PKIA: variants seen among roughly 807,000 people sequenced by gnomAD.
PKIA encodes the protein PKI-alpha.
A neutral mutation model predicts 7.6 loss-of-function variants in PKIA; 4 were observed. That is an observed-to-expected ratio of 0.52 (90% confidence interval 0.26 to 1.20). The LOEUF is 1.20. Ranked by LOEUF, PKIA falls within the 50% of genes most tolerant of loss-of-function variation. PKIA has a pLI of 0.13. For synonymous variants in PKIA, 21 were observed against 30.7 expected (o/e 0.68, Z 1.04); for missense variants, 73 against 86.2 (o/e 0.85, Z 0.61).
At chr8:78,578,281 T>C (rs1473321312) in intron 2 of PKIA, among the ~76,000 whole-genome samples, 2 of 152,052 alleles carry the variant, frequency 1.3e-5, no homozygotes, top group Non-Finnish European at 2.9e-5. Flanking sequence ...GTCTCAAGCC[T>C]ATTTTTAAAA....
intron 1 of PKIA, among the ~76,000 whole-genome samples, chr8:78,559,559 A>T (rs1807235123): frequency 6.6e-6 from 1 of 152,226 alleles, no homozygotes; most frequent in Non-Finnish European, 1.5e-5. Context: ...ATGTTTGAAC[A>T]TAACTGGTTT....
intron 3 of PKIA, 82 bp downstream of exon 3, chr8:78,598,617 C>A: frequency 2.7e-6 from 3 of 1,101,258 alleles, no homozygotes; most frequent in South Asian, 1.4e-5. Context: ...CACGAAAAGC[C>A]ATCTTTGAAA....
intron 1 of PKIA, among the ~76,000 whole-genome samples, chr8:78,553,549 A>G (rs759396924): frequency 1.0e-3 from 152 of 152,096 alleles, no homozygotes; most frequent in Middle Eastern, 3.4e-3. Flanking sequence ...TAGTAGGCCT[A>G]TTTACCAACA....
At chr8:78,575,286 T>C (rs1807646208) in intron 2 of PKIA, among the ~76,000 whole-genome samples, 1 of 151,950 alleles carries the variant, frequency 6.6e-6, no homozygotes, top group African/African-American at 2.4e-5. Flanking sequence ...TCATAAAAAG[T>C]GTAACTCTGC....
At chr8:78,531,037 G>T (rs1020091888) in intron 1 of PKIA, among the ~76,000 whole-genome samples, 2 of 151,986 alleles carry the variant, frequency 1.3e-5, no homozygotes, top group African/African-American at 4.8e-5. Flanking sequence ...CTACAAGAAA[G>T]CATTTATATT....
chr8:78,562,842 A>G (rs1807316545), intron 1 of PKIA, among the ~76,000 whole-genome samples: 1 of 152,066 alleles, frequency 6.6e-6, no homozygotes. Context: ...AAATCTTCCA[A>G]GGCTTTCAAC....
chr8:78,520,669 C>A (rs1809398332), intron 1 of PKIA, among the ~76,000 whole-genome samples: 1 of 152,098 alleles, frequency 6.6e-6, no homozygotes, highest in South Asian at 2.1e-4. Flanking sequence ...ATTAATCTTT[C>A]CAGTGCTTTT....
chr8:78,539,154 T>C (rs548862922), intron 1 of PKIA, among the ~76,000 whole-genome samples: 4 of 152,164 alleles, frequency 2.6e-5, no homozygotes, highest in Non-Finnish European at 4.4e-5. Flanking sequence ...ATCCAATTAA[T>C]GGGCAAAAGA....
intron 1 of PKIA, among the ~76,000 whole-genome samples, chr8:78,559,212 G>T (rs1396635141): frequency 6.6e-6 from 1 of 152,130 alleles, no homozygotes; most frequent in Non-Finnish European, 1.5e-5. Flanking sequence ...ATAAGCCACC[G>T]TGCCCAGCCC....
At chr8:78,588,473 T>G (rs1212857414) in intron 2 of PKIA, among the ~76,000 whole-genome samples, 2 of 151,612 alleles carry the variant, frequency 1.3e-5, no homozygotes, top group Non-Finnish European at 2.9e-5. Context: ...AGAGCAAAAT[T>G]GCATCTCAAA....
chr8:78,588,441 C>T (rs1808011725), intron 2 of PKIA, among the ~76,000 whole-genome samples: 1 of 152,088 alleles, frequency 6.6e-6, no homozygotes, highest in Non-Finnish European at 1.5e-5. Flanking sequence ...GATCATGCCA[C>T]GGCACTCCAG....
intron 1 of PKIA, among the ~76,000 whole-genome samples, chr8:78,533,114 G>A (rs1261130133): frequency 6.6e-6 from 1 of 151,958 alleles, no homozygotes; most frequent in African/African-American, 2.4e-5. Context: ...TTTGCCTGTT[G>A]GTCCTTGCAG....
chr8:78,566,545 C>T (rs183649978), intron 1 of PKIA, among the ~76,000 whole-genome samples: 6 of 152,094 alleles, frequency 3.9e-5, no homozygotes, highest in African/African-American at 1.2e-4. Flanking sequence ...TTGGCAACCA[C>T]GAGTGCCAGC....
At chr8:78,562,045 T>C (rs764171589) in intron 1 of PKIA, among the ~76,000 whole-genome samples, 1 of 152,146 alleles carries the variant, frequency 6.6e-6, no homozygotes, top group African/African-American at 2.4e-5. Context: ...AAAGGGAGAA[T>C]AGACAGAAGC....
intron 2 of PKIA, among the ~76,000 whole-genome samples, chr8:78,589,446 C>G (rs150402688): frequency 7.9e-5 from 12 of 152,168 alleles, no homozygotes; most frequent in African/African-American, 2.2e-4. Flanking sequence ...GTAAAGAGTT[C>G]TCATTTTAAA....
intron 1 of PKIA, among the ~76,000 whole-genome samples, chr8:78,542,416 A>C (rs987671179): frequency 1.3e-5 from 2 of 152,080 alleles, no homozygotes; most frequent in Non-Finnish European, 2.9e-5. Flanking sequence ...TATGTCATCC[A>C]CATCTCAAAA....
chr8:78,581,489 A>C (rs1158345143), intron 2 of PKIA, among the ~76,000 whole-genome samples: 1 of 152,116 alleles, frequency 6.6e-6, no homozygotes. Flanking sequence ...AAATGAGTAA[A>C]ATTAGTATCC....
intron 2 of PKIA, among the ~76,000 whole-genome samples, chr8:78,575,721 A>C (rs1185514280): frequency 6.6e-6 from 1 of 152,020 alleles, no homozygotes; most frequent in African/African-American, 2.4e-5. Flanking sequence ...ACGCAAGTCA[A>C]CTTTGAAACT....
chr8:78,604,553 C>T lies in PKIA; in HGVS notation c.*2732C>T, dbSNP rs1173316085. The stretch of plus-strand genomic sequence containing the variant: ...TCAAGGCTCCCTGGATGGGTAATAA[C>T]ACAGATATGAGTAGGTCACATAAAG... On this transcript the variant is annotated 3_prime_UTR_variant, in exon 4 of 4. Transcript: ENST00000396418. 1 of 151,824 alleles carries T rather than the reference C, an allele frequency of 6.6e-6. No individual in the cohort carries two copies. The highest frequency in any genetic ancestry group is 1.5e-5 in the Non-Finnish European group (1 of 67,930). 9.4% of individuals were successfully genotyped at this position (151,824 alleles called of 1,614,324 possible).
Sources: gnomAD v4.1 joint callset for allele counts (sites outside exome capture counted in the v4.1 genomes callset) on GRCh38, gnomAD v4.1.1 for gene constraint, MANE v1.5 for transcripts, NCBI Gene and HGNC (gene_info 2026-07-23, HGNC 2026-07-21) for gene names.